The following DAG1 variants were observed in gnomAD, a reference collection of about 807,000 sequenced individuals.
The protein encoded by DAG1 is dystroglycan 1 (dystrophin-associated glycoprotein 1).
A neutral mutation model predicts 46.1 loss-of-function variants in DAG1; 8 were observed. The observed-to-expected ratio is 0.17, with a 90% CI of 0.10 to 0.31. The LOEUF (loss-of-function observed/expected upper bound fraction) is 0.31, where lower values mean the gene tolerates loss of function less well. DAG1 is among the 10% of genes least tolerant of loss of function. The probability of loss-of-function intolerance (pLI) is 1.00; values close to 1 mark genes in which losing one functional copy is unlikely to be tolerated. For synonymous variants in DAG1, 495 were observed against 481.8 expected (o/e 1.03, Z -0.36); for missense variants, 1,003 against 1,189.9 (o/e 0.84, Z 2.31).
chr3:49,489,727 A>G (rs1374301905), intron 1 of DAG1, among the ~76,000 whole-genome samples: 1 of 152,016 alleles, frequency 6.6e-6, no homozygotes, highest in East Asian at 1.9e-4. Context: ...CTTTTTTTGT[A>G]TATTTTGTGT....
At chr3:49,488,221 A>T (rs1402393723) in intron 1 of DAG1, among the ~76,000 whole-genome samples, 1 of 152,164 alleles carries the variant, frequency 6.6e-6, no homozygotes, top group African/African-American at 2.4e-5. Flanking sequence ...CTGCTGTCTC[A>T]TGTTGTTTCA....
At chr3:49,508,360 C>G (rs2050666841) in intron 1 of DAG1, among the ~76,000 whole-genome samples, 1 of 151,618 alleles carries the variant, frequency 6.6e-6, no homozygotes, top group Non-Finnish European at 1.5e-5. Context: ...TGCCACCACA[C>G]CCGGCTAATT....
At chr3:49,482,084 T>G (rs1042445180) in intron 1 of DAG1, among the ~76,000 whole-genome samples, 2 of 152,176 alleles carry the variant, frequency 1.3e-5, no homozygotes, top group African/African-American at 2.4e-5. Context: ...GGAAGATGTT[T>G]AAGGGATCCA....
intron 1 of DAG1, among the ~76,000 whole-genome samples, chr3:49,504,841 G>T (rs1314113638): frequency 7.3e-6 from 1 of 136,114 alleles, no homozygotes; most frequent in Non-Finnish European, 1.5e-5. Flanking sequence ...TCGATCTCCT[G>T]ACCTCGTGAT....
At chr3:49,514,753 C>T (rs1409242957) in intron 2 of DAG1, among the ~76,000 whole-genome samples, 1 of 152,154 alleles carries the variant, frequency 6.6e-6, no homozygotes, top group African/African-American at 2.4e-5. Context: ...ATTCTCCTGC[C>T]TCAGCCTCCT....
rs2051434280 is a variant in DAG1 at position 49,533,680 on chromosome 3, GGTTAA to G, written c.*485_*489del. 2 of 297,724 alleles carry G rather than the reference GGTTAA, an allele frequency of 6.7e-6. No individual in the cohort carries two copies. The highest frequency in any genetic ancestry group is 6.5e-6 in the Non-Finnish European group (1 of 152,798). The allele number at this position is 297,724 out of a possible 1,614,324, so 18.4% of individuals were successfully genotyped here. ...AATTCAAAGGACTTTCAGAAGTTAA[GGTTAA>G]GTTTTTACGTTTAATCTGCTGTTTA... On this transcript the variant is annotated 3_prime_UTR_variant, in exon 3 of 3. Coordinates refer to ENST00000308775, the MANE Select transcript of DAG1 (RefSeq NM_004393.6).
chr3:49,489,301 G>A (rs1415116200), intron 1 of DAG1, among the ~76,000 whole-genome samples: 3 of 151,980 alleles, frequency 2.0e-5, no homozygotes, highest in Middle Eastern at 3.2e-3. Flanking sequence ...CATGTTGGTC[G>A]GGCTGGTCTC....
Position 49,534,452 on chromosome 3 carries a change from G to C in DAG1, c.*1253G>C, listed in dbSNP as rs2051457004. 6.6e-6 allele frequency: 1 copy of C among 152,534 alleles called. No individual in the cohort carries two copies. Among genetic ancestry groups the C allele is most frequent in the South Asian group, 2.1e-4 (1 of 4,830 alleles). The allele number at this position is 152,534 out of a possible 1,614,324, so 9.4% of individuals were successfully genotyped here. A position where few individuals can be genotyped will look rare whatever the true frequency, so the allele number is the denominator to read the frequency against. ...CAGCAATAGTTCATAATAAAAATCTGTTAGCTCTCAAAGCTAATTTTTTAC... is the reference window on the plus strand; with the variant it reads ...CAGCAATAGTTCATAATAAAAATCTCTTAGCTCTCAAAGCTAATTTTTTAC... On this transcript the variant is annotated 3_prime_UTR_variant, in exon 3 of 3. Coordinates refer to ENST00000308775, the MANE Select transcript of DAG1 (RefSeq NM_004393.6).
chr3:49,532,571 A>G lies in DAG1; in HGVS notation c.2060A>G (p.Lys687Arg). The change falls in exon 3 of 3, where the codon AAA (lysine) becomes AGA (arginine). Residue 687 changes from lysine to arginine, a missense_variant. Lys to Arg is a conservative substitution (Grantham distance 26, BLOSUM62 2). Coordinates refer to ENST00000308775, the MANE Select transcript of DAG1 (RefSeq NM_004393.6). The surrounding 1 kb of genome is among the most constrained non-coding windows in gnomAD (Gnocchi z 5.4). ...CGCCGGATCGCTGAGGATGATGGAA[A>G]ACCTCGGCCTGCCTTCTCCAACGCC... ...LSRRIAEDDGKPRPAFSNALE... is the reference protein window; with the variant it reads ...LSRRIAEDDGRPRPAFSNALE... 1 of 1,612,412 alleles carries G rather than the reference A, an allele frequency of 6.2e-7. No homozygotes were observed. Among genetic ancestry groups the G allele is most frequent in the Non-Finnish European group, 8.5e-7 (1 of 1,178,644 alleles).
At chr3:49,507,522 A>G (rs1225650481) in intron 1 of DAG1, among the ~76,000 whole-genome samples, 3 of 152,146 alleles carry the variant, frequency 2.0e-5, no homozygotes, top group Non-Finnish European at 4.4e-5. Context: ...GAGATTGTGC[A>G]CTACATTCCA....
At chr3:49,494,926 G>A (rs986606674) in intron 1 of DAG1, among the ~76,000 whole-genome samples, 1 of 151,638 alleles carries the variant, frequency 6.6e-6, no homozygotes, top group East Asian at 1.9e-4. Context: ...AGCCACCGGC[G>A]CTTGGCTGCT....
At position 49,504,701 on chromosome 3, in the gene DAG1, C is replaced by G. The variant is rs541051315; in HGVS notation, c.-116-5718C>G. 1.2e-3 allele frequency among the ~76,000 whole-genome samples: 182 copies of G among 146,244 alleles called. 1 individual carries two copies. Among genetic ancestry groups the G allele is most frequent in the Non-Finnish European group, 1.8e-3 (124 of 67,098 alleles). On this transcript the variant is annotated intron_variant, in intron 1 of 2. Coordinates refer to ENST00000308775, the MANE Select transcript of DAG1 (RefSeq NM_004393.6). The stretch of plus-strand genomic sequence containing the variant: ...TCCTGGGTTCATGCCATTCTCCTGC[C>G]TCAGCCTCCCCAGTAGCTGAGTAGC...
chr3:49,480,757 GTTTTTTT>G (rs770596207), intron 1 of DAG1, among the ~76,000 whole-genome samples: 1 of 113,092 alleles, frequency 8.8e-6, no homozygotes, highest in Non-Finnish European at 2.0e-5. Flanking sequence ...TCTGCATAAA[GTTTTTTT>G]TTTTTTTTTT....
At chr3:49,510,345 A>ACCCCG (rs1435018146) in intron 1 of DAG1, 74 bp from the exon 2 acceptor site, 11 of 627,156 alleles carry the variant, frequency 1.8e-5, no homozygotes, top group African/African-American at 1.1e-4. Flanking sequence ...TTTTGACAGT[A>ACCCCG]ACTCCTGGAG....
rs187347965 is a variant in DAG1, at chr3:49,503,648, A to G, written c.-116-6771A>G. On this transcript the variant is annotated intron_variant, in intron 1 of 2. Coordinates refer to ENST00000308775, the MANE Select transcript of DAG1 (RefSeq NM_004393.6). ...GGATTTTGAGACCAGGCTGGGCAAC[A>G]TGGTGACACTGTCTCTACAGGTACA... Among the ~76,000 whole-genome samples the G allele has an allele frequency of 9.0e-3, 1,373 of 152,182 alleles. 7 individuals carry two copies. Among genetic ancestry groups the G allele is most frequent in the Non-Finnish European group, 0.015 (993 of 68,006 alleles).
chr3:49,484,417 T>C (rs939020087), intron 1 of DAG1, among the ~76,000 whole-genome samples: 1 of 152,104 alleles, frequency 6.6e-6, no homozygotes, highest in African/African-American at 2.4e-5. Flanking sequence ...AGTTGGACTT[T>C]GCTGACTAGA....
rs141238609 is a variant in DAG1, at chr3:49,531,726, G to A, written c.1215G>A (p.Met405Ile). Residue 405 changes from methionine (M) to isoleucine (I), a missense_variant, in exon 3 of 3, where the codon ATG (methionine) becomes ATA (isoleucine). Physicochemically the swap from Met to Ile is conservative, Grantham distance 10 (BLOSUM62 1). Transcript: ENST00000308775. The surrounding 1 kb of genome is among the most constrained non-coding windows in gnomAD (Gnocchi z 7.0). ...TTVPGQIRPT[M>I]TIPGYVEPTA... The stretch of plus-strand genomic sequence containing the variant: ...TTCCTGGCCAGATTCGCCCAACGAT[G>A]ACCATTCCTGGCTATGTGGAGCCTA... 1.4e-4 allele frequency: 227 copies of A among 1,614,042 alleles called. No homozygotes were observed. The highest frequency in any genetic ancestry group is 1.6e-4 in the Non-Finnish European group (192 of 1,180,008).
chr3:49,481,396 CAA>C (rs10715955), intron 1 of DAG1, among the ~76,000 whole-genome samples: 351 of 93,812 alleles, frequency 3.7e-3, no homozygotes, highest in African/African-American at 5.6e-3. Flanking sequence ...GACTCTGCCT[CAA>C]AAAAAAAAAA....
At chr3:49,501,796 A>G (rs1176784338) in intron 1 of DAG1, among the ~76,000 whole-genome samples, 1 of 148,036 alleles carries the variant, frequency 6.8e-6, no homozygotes, top group Non-Finnish European at 1.5e-5. Context: ...CCCGGGTGAC[A>G]GAGTGAGACT....
Sources: allele counts gnomAD v4.1 joint callset (sites outside exome capture counted in the v4.1 genomes callset), GRCh38; gene constraint gnomAD v4.1.1; non-coding constraint Gnocchi (gnomAD v3.1); transcripts MANE v1.5; gene names NCBI Gene and HGNC (gene_info 2026-07-23, HGNC 2026-07-21).